Variants in HECW2 observed in about 807,000 individuals in gnomAD.
The protein encoded by HECW2 is HECT, C2 and WW domain containing E3 ubiquitin protein ligase 2.
Under a neutral mutation model 175.2 loss-of-function variants are expected in HECW2, and 61 were observed. The ratio of observed to expected loss-of-function variants is 0.35; its 90% CI spans 0.28 to 0.43. The LOEUF (loss-of-function observed/expected upper bound fraction) is 0.43. Ranked by LOEUF, HECW2 falls within the 20% of genes least tolerant of loss-of-function variation. The probability of loss-of-function intolerance (pLI) is 1.00; values close to 1 mark genes in which losing one functional copy is unlikely to be tolerated. For missense variants in HECW2, 1,524 were observed against 2,000.5 expected, an observed-to-expected ratio of 0.76 and a Z score of 4.54; for synonymous variants, 671 against 731.0, an observed-to-expected ratio of 0.92 and a Z score of 1.32.
chr2:196,357,362 C>T (rs2105872236), intron 2 of HECW2, among the ~76,000 whole-genome samples: 1 of 152,256 alleles, frequency 6.6e-6, no homozygotes, highest in East Asian at 1.9e-4. Flanking sequence ...CCTCTAAGCC[C>T]TCTCCAAGTC....
At chr2:196,460,486 CT>C (rs3082153) in intron 1 of HECW2, among the ~76,000 whole-genome samples, 6,124 of 142,772 alleles carry the variant, frequency 0.043, 272 homozygotes, top group African/African-American at 0.12. Flanking sequence ...CCGATTAAAC[CT>C]TTTTTTTTTT....
intron 24 of HECW2, 137 bp downstream of exon 24, chr2:196,222,074 T>C (rs1687689327): frequency 1.5e-6 from 1 of 650,364 alleles, no homozygotes; most frequent in Non-Finnish European, 2.5e-6. Context: ...TTATTATAAC[T>C]GTGTGTGATC....
intron 8 of HECW2, 55 bp downstream of exon 8, chr2:196,320,284 G>A: frequency 9.6e-7 from 1 of 1,045,734 alleles, no homozygotes; most frequent in Non-Finnish European, 1.5e-6. Flanking sequence ...ATCGAGTTAG[G>A]TTTAACAAGT....
intron 1 of HECW2, among the ~76,000 whole-genome samples, chr2:196,472,938 A>T (rs1697273794): frequency 6.6e-6 from 1 of 152,202 alleles, no homozygotes; most frequent in Non-Finnish European, 1.5e-5. Context: ...AACTTTTTTA[A>T]GGTGGTGGAT....
intron 2 of HECW2, among the ~76,000 whole-genome samples, chr2:196,369,636 G>T (rs1184958337): frequency 1.3e-5 from 2 of 152,120 alleles, no homozygotes; most frequent in Non-Finnish European, 2.9e-5. Flanking sequence ...GTCCTGGGCA[G>T]GCCTAAAGAT....
chr2:196,344,322 GAAAAAAAA>G (rs60573890), intron 2 of HECW2, among the ~76,000 whole-genome samples: 1 of 67,658 alleles, frequency 1.5e-5, no homozygotes, highest in African/African-American at 6.4e-5. Flanking sequence ...GACAAGATAA[GAAAAAAAA>G]AAAAAAAAAA....
intron 2 of HECW2, chr2:196,362,362 C>T (rs1693618192): frequency 6.1e-6 from 1 of 162,632 alleles, no homozygotes; most frequent in Admixed American, 6.6e-5. Context: ...CACACACACA[C>T]ACACACACAC....
At chr2:196,277,172 A>G (rs1559004391) in intron 15 of HECW2, among the ~76,000 whole-genome samples, 1 of 152,336 alleles carries the variant, frequency 6.6e-6, no homozygotes, top group East Asian at 1.9e-4. Flanking sequence ...GGAAGAACTG[A>G]AACAAGGTTT....
intron 1 of HECW2, among the ~76,000 whole-genome samples, chr2:196,557,537 CCAGTA>C (rs1689844999): frequency 6.6e-6 from 1 of 152,052 alleles, no homozygotes; most frequent in Non-Finnish European, 1.5e-5. Flanking sequence ...AGCTTTTAAT[CCAGTA>C]ATTCCTCTTC....
At chr2:196,557,048 T>A (rs560018414) in intron 1 of HECW2, among the ~76,000 whole-genome samples, 1 of 152,188 alleles carries the variant, frequency 6.6e-6, no homozygotes, top group Non-Finnish European at 1.5e-5. Context: ...GTAGAAAATA[T>A]TTAAGTTTTA....
intron 7 of HECW2, among the ~76,000 whole-genome samples, 190 bp from the exon 8 acceptor site, chr2:196,320,629 C>T (rs1691907158): frequency 1.3e-5 from 2 of 152,176 alleles, no homozygotes; most frequent in Admixed American, 1.3e-4. Flanking sequence ...CACTTATAAA[C>T]CCGGAGATAA....
chr2:196,432,108 C>G (rs1695730725), intron 2 of HECW2, among the ~76,000 whole-genome samples: 1 of 152,162 alleles, frequency 6.6e-6, no homozygotes, highest in Middle Eastern at 3.2e-3. Context: ...GCTTCATATC[C>G]CCCTACCCAG....
chr2:196,195,680 G>A lies in HECW2; in HGVS notation c.*5597C>T, dbSNP rs780709946. 6.6e-6 allele frequency: 1 copy of A among 152,120 alleles called. No homozygotes were observed. The highest frequency in any genetic ancestry group is 1.5e-5 in the Non-Finnish European group (1 of 68,024). The allele number at this position is 152,120 out of a possible 1,614,324, so 9.4% of individuals were successfully genotyped here. A position where few individuals can be genotyped will look rare whatever the true frequency, so the allele number is the denominator to read the frequency against. On this transcript the variant is annotated 3_prime_UTR_variant, in exon 29 of 29. Coordinates refer to ENST00000644978, the MANE Select transcript of HECW2 (RefSeq NM_001348768.2). ...AAATGCTATTCTAATGTCAAGGGATGTCCGCTAAAAAAACCAAATAAGTAT... is the reference window on the plus strand; with the variant it reads ...AAATGCTATTCTAATGTCAAGGGATATCCGCTAAAAAAACCAAATAAGTAT...
chr2:196,491,655 G>A (rs909684235), intron 1 of HECW2, among the ~76,000 whole-genome samples: 3 of 151,624 alleles, frequency 2.0e-5, no homozygotes, highest in African/African-American at 7.3e-5. Context: ...TAAGCCTTCT[G>A]ACTAATTTAT....
chr2:196,335,439 A>G (rs1692517018), intron 3 of HECW2, among the ~76,000 whole-genome samples: 1 of 152,192 alleles, frequency 6.6e-6, no homozygotes, highest in South Asian at 2.1e-4. Context: ...GCTGATGGGC[A>G]GGCCCTGGAG....
chr2:196,329,702 G>T, intron 4 of HECW2, 52 bp from the exon 5 acceptor site: 1 of 1,422,846 alleles, frequency 7.0e-7, no homozygotes. Flanking sequence ...GATGCCACTG[G>T]ATCTGACTAG....
In HECW2 at chr2:196,271,231, C is replaced by T. The variant is rs1454390223; in HGVS notation, c.3297G>A (p.Gln1099=). 3 of 1,611,562 alleles carry T rather than the reference C, an allele frequency of 1.9e-6. No homozygotes were observed. In the Admixed American group the frequency reaches 5.0e-5, roughly 27 times the overall value. Residue 1099 remains glutamine, a synonymous_variant, in exon 17 of 29, where the codon CAG becomes CAA. Transcript: ENST00000644978. ...LRQPNIFEIL[Q]ERQPDLTRNH... is the part of the protein sequence containing the mutation. ...TCCTGGTAAGATCAGGTTGACGCTC[C>T]TGTAGAATTTCAAAGATATTGGGTT...
At chr2:196,466,336 T>C (rs993813017) in intron 1 of HECW2, among the ~76,000 whole-genome samples, 3 of 152,228 alleles carry the variant, frequency 2.0e-5, no homozygotes, top group African/African-American at 7.2e-5. Context: ...TACACTTCAA[T>C]GACTTTCCTC....
chr2:196,530,052 T>C (rs753887265), intron 1 of HECW2, among the ~76,000 whole-genome samples: 3 of 152,194 alleles, frequency 2.0e-5, no homozygotes, highest in Non-Finnish European at 4.4e-5. Context: ...GAATCTAAGA[T>C]ACTTTGGAAA....
Sources: allele counts gnomAD v4.1 joint callset (sites outside exome capture counted in the v4.1 genomes callset), GRCh38; gene constraint gnomAD v4.1.1; transcripts MANE v1.5; gene names NCBI Gene and HGNC (gene_info 2026-07-23, HGNC 2026-07-21).